Variants in SPATA13 observed in about 807,000 individuals in gnomAD.
The protein encoded by SPATA13 is spermatogenesis-associated protein 13.
Under a neutral mutation model 104.0 loss-of-function variants are expected in SPATA13, and 50 were observed. That is an observed-to-expected ratio of 0.48 (90% CI 0.38 to 0.61). The LOEUF (loss-of-function observed/expected upper bound fraction) is 0.61, where lower values mean the gene tolerates loss of function less well. Ranked by LOEUF, SPATA13 falls within the 20% of genes least tolerant of loss-of-function variation. SPATA13 has a pLI of 0.00. For synonymous variants in SPATA13, 606 were observed against 667.5 expected (o/e 0.91, Z 1.42); for missense variants, 1,524 against 1,690.6 (o/e 0.90, Z 1.73).
chr13:24,083,245 T>C (rs1214553020), intron 3 of SPATA13, among the ~76,000 whole-genome samples: 2 of 152,224 alleles, frequency 1.3e-5, no homozygotes, highest in Non-Finnish European at 2.9e-5. Flanking sequence ...GAAAGGCACC[T>C]TTTTGCAAAT....
chr13:23,994,707 G>A (rs997802150), intron 2 of SPATA13, among the ~76,000 whole-genome samples: 2 of 152,110 alleles, frequency 1.3e-5, no homozygotes, highest in Admixed American at 6.5e-5. Flanking sequence ...TTTAACCTCT[G>A]CAATATTGGG....
chr13:24,199,815 G>A (rs1870297538), intron 1 of SPATA13, among the ~76,000 whole-genome samples: 1 of 152,196 alleles, frequency 6.6e-6, no homozygotes, highest in African/African-American at 2.4e-5. Flanking sequence ...GCTTTTGTTT[G>A]TCAAGTGTTC....
chr13:24,019,230 A>G (rs1876860038), intron 3 of SPATA13, among the ~76,000 whole-genome samples: 1 of 150,122 alleles, frequency 6.7e-6, no homozygotes, highest in South Asian at 2.1e-4. Context: ...CTGGGACTAC[A>G]GGCGCCCGCC....
chr13:24,167,246 G>A (rs1165571967), intron 1 of SPATA13, among the ~76,000 whole-genome samples: 1 of 152,208 alleles, frequency 6.6e-6, no homozygotes, highest in African/African-American at 2.4e-5. Flanking sequence ...GGCTGTGATG[G>A]TTCTGTGATA....
At chr13:24,294,257 T>G (rs963972331) in intron 9 of SPATA13, among the ~76,000 whole-genome samples, 1 of 152,216 alleles carries the variant, frequency 6.6e-6, no homozygotes, top group African/African-American at 2.4e-5. Context: ...ACTCACCACT[T>G]CAGGTGCCTG....
At chr13:24,166,191 C>G (rs935549727) in intron 1 of SPATA13, among the ~76,000 whole-genome samples, 34 of 152,254 alleles carry the variant, frequency 2.2e-4, no homozygotes, top group African/African-American at 7.2e-4. Flanking sequence ...CTTTTGTGTA[C>G]TAGATGCTGA....
intron 12 of SPATA13, among the ~76,000 whole-genome samples, chr13:24,301,604 A>G (rs1386074481): frequency 1.3e-5 from 2 of 152,186 alleles, no homozygotes; most frequent in Non-Finnish European, 2.9e-5. Flanking sequence ...ACCGGGTGGG[A>G]CGCTGTGCCT....
intron 3 of SPATA13, among the ~76,000 whole-genome samples, chr13:24,134,579 C>T (rs1047756848): frequency 2.6e-5 from 4 of 152,034 alleles, no homozygotes; most frequent in Non-Finnish European, 4.4e-5. Context: ...TTTTTTAGCA[C>T]GGGGAGTAGC....
chr13:24,248,564 T>C (rs1239803708), intron 2 of SPATA13, among the ~76,000 whole-genome samples: 2 of 152,194 alleles, frequency 1.3e-5, no homozygotes, highest in Non-Finnish European at 2.9e-5. Flanking sequence ...GAAAGGTCAG[T>C]TGTGACTTGT....
intron 2 of SPATA13, among the ~76,000 whole-genome samples, chr13:23,989,473 C>T (rs933885849): frequency 1.3e-5 from 2 of 151,536 alleles, no homozygotes; most frequent in African/African-American, 4.9e-5. Flanking sequence ...AATACATAAA[C>T]GTAAGTAGCT....
intron 3 of SPATA13, among the ~76,000 whole-genome samples, chr13:24,115,247 T>C (rs932385079): frequency 1.3e-4 from 20 of 152,356 alleles, no homozygotes; most frequent in Non-Finnish European, 1.2e-4. Context: ...GCAGCAGTCA[T>C]GGCAGCAGTG....
chr13:24,116,295 G>A (rs190904861), intron 3 of SPATA13, among the ~76,000 whole-genome samples: 4 of 152,338 alleles, frequency 2.6e-5, no homozygotes, highest in Admixed American at 2.6e-4. Context: ...ACTAGTCCCA[G>A]CCATGAGGAC....
chr13:24,181,885 C>T (rs1052083547), intron 1 of SPATA13, among the ~76,000 whole-genome samples: 11 of 151,308 alleles, frequency 7.3e-5, no homozygotes, highest in African/African-American at 2.4e-5. Flanking sequence ...GAGGCCAAGA[C>T]GGGTGGATCA....
At chr13:24,084,202 A>G (rs557038142) in intron 3 of SPATA13, among the ~76,000 whole-genome samples, 11 of 152,300 alleles carry the variant, frequency 7.2e-5, no homozygotes, top group African/African-American at 2.6e-4. Flanking sequence ...CAGCTGAACA[A>G]TTTAAATGCG....
chr13:24,090,297 A>G (rs1266627672), intron 3 of SPATA13, among the ~76,000 whole-genome samples: 1 of 152,052 alleles, frequency 6.6e-6, no homozygotes, highest in Non-Finnish European at 1.5e-5. Context: ...CTTGCTGTGA[A>G]CAGGGTTTGG....
At chr13:24,006,786 T>A (rs771255648) in intron 2 of SPATA13, among the ~76,000 whole-genome samples, 6 of 152,218 alleles carry the variant, frequency 3.9e-5, no homozygotes, top group Non-Finnish European at 7.3e-5. Flanking sequence ...CTTGCATTCA[T>A]GTGCCAGCTT....
chr13:23,992,224 G>T (rs374200205), intron 2 of SPATA13, among the ~76,000 whole-genome samples: 1 of 152,216 alleles, frequency 6.6e-6, no homozygotes, highest in Admixed American at 6.5e-5. Context: ...GCCTCCATCA[G>T]TGTCCAGGAG....
At chr13:24,143,757 C>T (rs1044787100) in intron 3 of SPATA13, among the ~76,000 whole-genome samples, 2 of 152,110 alleles carry the variant, frequency 1.3e-5, no homozygotes, top group East Asian at 1.9e-4. Flanking sequence ...TGTCTGGCTA[C>T]TTGATGCCAT....
chr13:24,245,584 C>CTTTTTTT (rs61316306), intron 2 of SPATA13, among the ~76,000 whole-genome samples: 22 of 88,626 alleles, frequency 2.5e-4, no homozygotes, highest in South Asian at 4.5e-4. Flanking sequence ...ACAGTTGTTT[C>CTTTTTTT]TTTTTTTTTT....
Sources: allele counts gnomAD v4.1 joint callset (sites outside exome capture counted in the v4.1 genomes callset), GRCh38; gene constraint gnomAD v4.1.1; transcripts MANE v1.5; gene names NCBI Gene and HGNC (gene_info 2026-07-23, HGNC 2026-07-21).